CRACD: variants seen among roughly 807,000 people sequenced by gnomAD.
CRACD encodes the protein capping protein-inhibiting regulator of actin dynamics.
Under a neutral mutation model 106.8 loss-of-function variants are expected in CRACD, and 56 were observed. The ratio of observed to expected loss-of-function variants is 0.52; its 90% CI spans 0.42 to 0.66. The LOEUF is 0.66. Ranked by LOEUF, CRACD falls within the 30% of genes least tolerant of loss-of-function variation. CRACD has a pLI of 0.00. For synonymous variants in CRACD, 754 were observed against 670.8 expected (o/e 1.12, Z -1.92); for missense variants, 1,730 against 1,623.2 (o/e 1.07, Z -1.13).
intron 1 of CRACD, among the ~76,000 whole-genome samples, chr4:56,153,376 G>A (rs1298175965): frequency 1.3e-5 from 2 of 152,086 alleles, no homozygotes; most frequent in African/African-American, 2.4e-5. Flanking sequence ...CTCTTCAGGC[G>A]AGAAACCTTG....
intron 2 of CRACD, among the ~76,000 whole-genome samples, chr4:56,256,236 G>T (rs536341435): frequency 6.6e-6 from 1 of 152,280 alleles, no homozygotes; most frequent in Admixed American, 6.5e-5. Flanking sequence ...CTGTTCTTGT[G>T]ATAGTAAATA....
rs1301082796 is a variant in CRACD at position 56,315,145 on chromosome 4, T to C, written c.1643T>C (p.Ile548Thr). The change falls in exon 8 of 11, where the codon ATT becomes ACT. Residue 548 changes from isoleucine (I) to threonine (T), a missense_variant. Around this residue, in one of 5 missense-constraint regions of CRACD, gnomAD observed 1,620 missense variants for 1,481.6 expected, o/e 1.09. Coordinates refer to ENST00000682029, the MANE Select transcript of CRACD (RefSeq NM_001393381.1). The surrounding 1 kb of genome is among the most constrained non-coding windows in gnomAD (Gnocchi z 4.1). ...TFQVSSGGKQ[I>T]LFPKVNLSPV... The stretch of plus-strand genomic sequence containing the variant: ...CAGGTGTCCTCCGGAGGGAAGCAGA[T>C]TCTCTTTCCCAAAGTCAACCTGAGC... 6.2e-7 allele frequency: 1 copy of C among 1,607,902 alleles called. No homozygotes were observed. Among genetic ancestry groups the C allele is most frequent in the Non-Finnish European group, 8.5e-7 (1 of 1,177,790 alleles).
intron 1 of CRACD, among the ~76,000 whole-genome samples, chr4:56,102,859 G>T (rs925637284): frequency 6.6e-6 from 1 of 152,136 alleles, no homozygotes; most frequent in African/African-American, 2.4e-5. Context: ...CTCTGTCTGA[G>T]CTCTCCCTCT....
chr4:56,050,930 C>CAA (rs1731853073), intron 1 of CRACD, among the ~76,000 whole-genome samples: 1 of 152,158 alleles, frequency 6.6e-6, no homozygotes, highest in Admixed American at 6.5e-5. Flanking sequence ...ACCAACTTGA[C>CAA]AATAGGCAAT....
intron 1 of CRACD, among the ~76,000 whole-genome samples, chr4:56,164,112 A>G (rs908782628): frequency 3.3e-5 from 5 of 150,634 alleles, no homozygotes; most frequent in Non-Finnish European, 7.4e-5. Flanking sequence ...TTTCAGACAT[A>G]TACTTTTGCT....
At chr4:56,216,394 GTAATT>G in intron 2 of CRACD, 2 of 152,248 alleles carry the variant, frequency 1.3e-5, no homozygotes, top group Middle Eastern at 6.8e-3. Context: ...TGACAGCTCT[GTAATT>G]TAATTGTAAT....
At chr4:56,131,396 G>A (rs1162944704) in intron 1 of CRACD, among the ~76,000 whole-genome samples, 1 of 152,186 alleles carries the variant, frequency 6.6e-6, no homozygotes, top group African/African-American at 2.4e-5. Context: ...TCCAGTGAGA[G>A]CCAGAGATTG....
chr4:56,218,627 C>T (rs1016494462), intron 2 of CRACD, among the ~76,000 whole-genome samples: 2 of 141,006 alleles, frequency 1.4e-5, no homozygotes, highest in South Asian at 2.5e-4. Context: ...TCTTTTCTTT[C>T]AACAGGCTCT....
intron 1 of CRACD, among the ~76,000 whole-genome samples, chr4:56,154,234 G>A (rs986300472): frequency 6.6e-6 from 1 of 152,152 alleles, no homozygotes; most frequent in Non-Finnish European, 1.5e-5. Context: ...CGGAGGCTGA[G>A]GCAGGTGGAT....
intron 1 of CRACD, among the ~76,000 whole-genome samples, chr4:56,162,874 T>C (rs1560468261): frequency 6.6e-6 from 1 of 152,188 alleles, no homozygotes; most frequent in Admixed American, 6.6e-5. Flanking sequence ...ACTTCTTCTG[T>C]AAAGGGCCAG....
intron 2 of CRACD, among the ~76,000 whole-genome samples, chr4:56,188,546 T>C (rs1033033370): frequency 6.6e-6 from 1 of 151,790 alleles, no homozygotes. Context: ...TATTCTCTGA[T>C]ACCTCCCGTT....
intron 1 of CRACD, among the ~76,000 whole-genome samples, chr4:56,086,437 G>A (rs1055453622): frequency 6.6e-6 from 1 of 152,098 alleles, no homozygotes; most frequent in African/African-American, 2.4e-5. Flanking sequence ...GAGCCACTGA[G>A]CCCAGCCCTT....
chr4:56,282,459 G>T (rs1264550756), intron 3 of CRACD, among the ~76,000 whole-genome samples: 3 of 152,200 alleles, frequency 2.0e-5, no homozygotes, highest in Non-Finnish European at 4.4e-5. Flanking sequence ...GTGCTTAGAA[G>T]AGTGGCTAGA....
chr4:56,313,494 C>A, intron 7 of CRACD, 115 bp downstream of exon 7: 3 of 852,970 alleles, frequency 3.5e-6, no homozygotes, highest in African/African-American at 1.7e-5. Flanking sequence ...GTCTCCCCAT[C>A]GGGAACTTGA....
intron 2 of CRACD, among the ~76,000 whole-genome samples, chr4:56,217,485 T>A (rs1420190889): frequency 6.6e-6 from 1 of 152,102 alleles, no homozygotes; most frequent in Non-Finnish European, 1.5e-5. Context: ...GATTTTCTGG[T>A]TGGCATTTGG....
chr4:56,271,461 T>G lies in CRACD; in HGVS notation c.-188-860T>G, dbSNP rs73162446. Among the ~76,000 whole-genome samples the G allele has an allele frequency of 5.9e-3, 895 of 152,124 alleles. 10 individuals carry two copies. The highest frequency in any genetic ancestry group is 0.019 in the African/African-American group (794 of 41,504). ...TGGAAATATATGGGGATAGAGGGAA[T>G]TAGGGGGCAAAGCTTATGTCAGGAG... On this transcript the variant is annotated intron_variant, in intron 2 of 10. Coordinates refer to ENST00000682029, the MANE Select transcript of CRACD (RefSeq NM_001393381.1).
intron 2 of CRACD, among the ~76,000 whole-genome samples, chr4:56,182,863 ATGTGTGTGTG>A (rs34291347): frequency 0.014 from 2,006 of 144,726 alleles, 52 homozygotes; most frequent in African/African-American, 0.047. Context: ...AAAAAAAGAT[ATGTGTGTGTG>A]TGTGTGTGTG....
At chr4:56,196,837 G>A (rs1031736312) in intron 2 of CRACD, among the ~76,000 whole-genome samples, 13 of 151,998 alleles carry the variant, frequency 8.6e-5, no homozygotes, top group Non-Finnish European at 1.3e-4. Flanking sequence ...CTTTAAAATA[G>A]GCACCAAAAT....
At chr4:56,229,045 A>G (rs1293597697) in intron 2 of CRACD, among the ~76,000 whole-genome samples, 2 of 152,188 alleles carry the variant, frequency 1.3e-5, no homozygotes, top group African/African-American at 4.8e-5. Context: ...CCACAAATGT[A>G]AGAAATTGCA....
Sources: allele counts gnomAD v4.1 joint callset (sites outside exome capture counted in the v4.1 genomes callset), GRCh38; gene constraint gnomAD v4.1.1; regional missense constraint gnomAD v4.1.1; non-coding constraint Gnocchi (gnomAD v3.1); transcripts MANE v1.5; gene names NCBI Gene and HGNC (gene_info 2026-07-23, HGNC 2026-07-21).